The following TMEM108 variants were observed in gnomAD, a reference collection of about 807,000 sequenced individuals.
TMEM108 encodes the protein cancer/testis antigen 124.
In TMEM108, 12 loss-of-function variants were observed where a neutral mutation model predicts 35.1. The ratio of observed to expected loss-of-function variants is 0.34; its 90% CI spans 0.22 to 0.55. The LOEUF (loss-of-function observed/expected upper bound fraction) is 0.55. TMEM108 is among the 20% of genes least tolerant of loss of function. TMEM108 has a pLI of 0.89. For synonymous variants in TMEM108, 287 were observed against 308.6 expected (o/e 0.93, Z 0.73); for missense variants, 680 against 753.3 (o/e 0.90, Z 1.14).
At chr3:133,390,446 C>A in intron 5 of TMEM108, 112 bp downstream of exon 5, 2 of 1,204,446 alleles carry the variant, frequency 1.7e-6, no homozygotes, top group Non-Finnish European at 2.3e-6. Flanking sequence ...GCCCATGGAC[C>A]AGCAGTATCA....
At chr3:133,254,152 ACATAGCAAGATCT>A (rs1275977852) in intron 3 of TMEM108, among the ~76,000 whole-genome samples, 1 of 152,242 alleles carries the variant, frequency 6.6e-6, no homozygotes, top group Non-Finnish European at 1.5e-5. Context: ...AACTTGGGCA[ACATAGCAAGATCT>A]CATCTCTACC....
intron 3 of TMEM108, among the ~76,000 whole-genome samples, chr3:133,375,236 G>A (rs2072799329): frequency 6.6e-6 from 1 of 152,218 alleles, no homozygotes; most frequent in African/African-American, 2.4e-5. Context: ...CAAATAAACA[G>A]AAGGAGGAGG....
intron 3 of TMEM108, among the ~76,000 whole-genome samples, chr3:133,358,247 C>T (rs1397671628): frequency 2.0e-5 from 3 of 151,542 alleles, no homozygotes; most frequent in African/African-American, 7.3e-5. Flanking sequence ...TCTCAACTCA[C>T]TGCAACCTCT....
intron 2 of TMEM108, among the ~76,000 whole-genome samples, chr3:133,177,622 C>T (rs1170005979): frequency 6.6e-6 from 1 of 152,226 alleles, no homozygotes; most frequent in East Asian, 1.9e-4. Flanking sequence ...AACAACGCTT[C>T]ATGCTAAAAA....
At chr3:133,212,650 T>C (rs1046608513) in intron 2 of TMEM108, among the ~76,000 whole-genome samples, 10 of 151,992 alleles carry the variant, frequency 6.6e-5, no homozygotes, top group Admixed American at 6.5e-4. Context: ...GTGGATCACC[T>C]GAGGTCAGTA....
At chr3:133,393,664 T>C (rs981540165) in intron 5 of TMEM108, among the ~76,000 whole-genome samples, 3 of 152,166 alleles carry the variant, frequency 2.0e-5, no homozygotes, top group Non-Finnish European at 2.9e-5. Context: ...CTGAGATCTG[T>C]TGTAGTAAGT....
chr3:133,103,435 G>T (rs1467395849), intron 2 of TMEM108, among the ~76,000 whole-genome samples: 1 of 152,164 alleles, frequency 6.6e-6, no homozygotes, highest in African/African-American at 2.4e-5. Context: ...ACCTTTCAGA[G>T]GGTGGAGGGT....
At chr3:133,358,689 T>G (rs1341969219) in intron 3 of TMEM108, among the ~76,000 whole-genome samples, 2 of 152,140 alleles carry the variant, frequency 1.3e-5, no homozygotes, top group Non-Finnish European at 2.9e-5. Context: ...CTTGGAAGTT[T>G]TTATTTTCTC....
chr3:133,192,644 G>A (rs1945515562), intron 2 of TMEM108: 1 of 152,480 alleles, frequency 6.6e-6, no homozygotes, highest in African/African-American at 2.4e-5. Flanking sequence ...GGTTTTGGAG[G>A]AGGAAAGTCC....
chr3:133,223,054 A>C (rs1305574030), intron 2 of TMEM108, among the ~76,000 whole-genome samples: 2 of 152,008 alleles, frequency 1.3e-5, no homozygotes, highest in African/African-American at 2.4e-5. Context: ...CAATTATTTG[A>C]ATTCTTTGTT....
chr3:133,387,308 G>A, intron 4 of TMEM108: 1 of 985,474 alleles, frequency 1.0e-6, no homozygotes. Context: ...ACATGGCAGA[G>A]TCACAATTTG....
intron 3 of TMEM108, among the ~76,000 whole-genome samples, chr3:133,345,407 A>G (rs1054637389): frequency 1.3e-5 from 2 of 151,812 alleles, no homozygotes; most frequent in African/African-American, 4.8e-5. Flanking sequence ...AATTAAATGT[A>G]GAAAGATATG....
intron 2 of TMEM108, among the ~76,000 whole-genome samples, chr3:133,136,531 A>G (rs949290196): frequency 5.3e-5 from 8 of 152,116 alleles, no homozygotes; most frequent in Admixed American, 1.3e-4. Context: ...GTGACTTATT[A>G]TTTACTCACA....
At chr3:133,197,260 G>A (rs1945592097) in intron 2 of TMEM108, among the ~76,000 whole-genome samples, 1 of 152,182 alleles carries the variant, frequency 6.6e-6, no homozygotes, top group South Asian at 2.1e-4. Flanking sequence ...TGGAGGGCTG[G>A]AGGAGTGAAG....
At chr3:133,155,687 G>A (rs1413443745) in intron 2 of TMEM108, among the ~76,000 whole-genome samples, 2 of 152,024 alleles carry the variant, frequency 1.3e-5, no homozygotes, top group Non-Finnish European at 2.9e-5. Context: ...TCCTTTGCCT[G>A]CTTTTCAATG....
In TMEM108 at chr3:133,367,778, CCT is replaced by C. The variant is rs1031128961; in HGVS notation, c.41-11971_41-11970del. On this transcript the variant is annotated intron_variant, in intron 3 of 5. Transcript: ENST00000321871. ...CTTCCTCAGGTAGGCCTGCCCATCC[CCT>C]CTTCCTGGACACTTGGCCACTGTCT... 2.0e-5 allele frequency among the ~76,000 whole-genome samples: 3 copies of C among 152,320 alleles called. No homozygotes were observed. The South Asian group carries it at 6.2e-4, about 32-fold the overall frequency.
At chr3:133,177,030 A>G (rs1945242132) in intron 2 of TMEM108, among the ~76,000 whole-genome samples, 1 of 152,244 alleles carries the variant, frequency 6.6e-6, no homozygotes, top group African/African-American at 2.4e-5. Flanking sequence ...AGAGAATACT[A>G]TAAACACCTC....
At chr3:133,232,227 C>G (rs893361872) in intron 3 of TMEM108, among the ~76,000 whole-genome samples, 1 of 152,092 alleles carries the variant, frequency 6.6e-6, no homozygotes, top group Non-Finnish European at 1.5e-5. Flanking sequence ...GGGTTTGGGT[C>G]ATGGAGGTGG....
At chr3:133,151,097 A>G (rs1944793418) in intron 2 of TMEM108, among the ~76,000 whole-genome samples, 1 of 151,440 alleles carries the variant, frequency 6.6e-6, no homozygotes, top group Non-Finnish European at 1.5e-5. Flanking sequence ...TTTCACCACC[A>G]TTTTTTCCAG....
Sources: gnomAD v4.1 joint callset for allele counts (sites outside exome capture counted in the v4.1 genomes callset) on GRCh38, gnomAD v4.1.1 for gene constraint, MANE v1.5 for transcripts, NCBI Gene and HGNC (gene_info 2026-07-23, HGNC 2026-07-21) for gene names.